The following MYO1G variants were observed in gnomAD, a reference collection of about 807,000 sequenced individuals.
MYO1G encodes myosin IG, also known as unconventional myosin-Ig.
In MYO1G, 65 loss-of-function variants were observed where a neutral mutation model predicts 115.3. The ratio of observed to expected loss-of-function variants is 0.56; its 90% CI spans 0.46 to 0.69. MYO1G has a LOEUF of 0.69. Among genes scored for constraint, MYO1G ranks in the 30% least tolerant of loss-of-function variants. MYO1G has a pLI of 0.00. For synonymous variants in MYO1G, 510 were observed against 552.6 expected (o/e 0.92, Z 1.08); for missense variants, 1,204 against 1,393.5 (o/e 0.86, Z 2.16).
chr7:44,975,040 C>T (rs1388495848), intron 5 of MYO1G, 134 bp downstream of exon 5: 10 of 896,924 alleles, frequency 1.1e-5, no homozygotes, highest in African/African-American at 6.5e-5. Flanking sequence ...GGAGTGAGGA[C>T]GATGGGCTAG....
At position 44,963,499 on chromosome 7, in the gene MYO1G, A is replaced by G. The variant is rs1794785891; in HGVS notation, c.2746-375T>C. On this transcript the variant is annotated intron_variant, in intron 20 of 21. Transcript: ENST00000258787. The surrounding 1 kb of genome is among the most constrained non-coding windows in gnomAD (Gnocchi z 4.1). Reference sequence around the variant, plus strand: ...AACCACGCCGGCTTTGGGCTGTGGCATTACACAGCAAGGCACTCACCGCCC... The same window carrying G: ...AACCACGCCGGCTTTGGGCTGTGGCGTTACACAGCAAGGCACTCACCGCCC... The G allele has an allele frequency of 4.1e-6, 1 of 245,944 alleles. No homozygotes were observed. The highest frequency in any genetic ancestry group is 7.8e-6 in the Non-Finnish European group (1 of 128,806). 15.2% of individuals were successfully genotyped at this position (245,944 alleles called of 1,614,324 possible). A position where few individuals can be genotyped will look rare whatever the true frequency, so the allele number is the denominator to read the frequency against.
At position 44,979,009 on chromosome 7, in the gene MYO1G, G is replaced by A; in HGVS notation, c.-48C>T. 6.3e-7 allele frequency: 1 copy of A among 1,590,902 alleles called. No homozygotes were observed. The highest frequency in any genetic ancestry group is 1.3e-5 in the African/African-American group (1 of 74,618). ...CCTCACCTTCCTGTGCCTGCTGGAA[G>A]GACAGTGAAGGAGAGGGGGAGGGAA... On this transcript the variant is annotated 5_prime_UTR_variant, in exon 1 of 22. Transcript: ENST00000258787.
chr7:44,969,353 A>C lies in MYO1G; in HGVS notation c.1574+60T>G. The C allele has an allele frequency of 6.3e-7, 1 of 1,579,102 alleles. No individual in the cohort carries two copies. The highest frequency in any genetic ancestry group is 1.1e-5 in the South Asian group (1 of 90,426). The stretch of plus-strand genomic sequence containing the variant: ...CACTCCCCTGAAGCGCTCCTGCCCC[A>C]TGACACATGCCATGGTGCCTGTGGG... On this transcript the variant is annotated intron_variant, in intron 12 of 21. Transcript: ENST00000258787. This position sits in a 1 kb window ranked among gnomAD's most constrained non-coding sequence, Gnocchi z 5.0.
chr7:44,974,925 C>T (rs1795020462), intron 5 of MYO1G: 1 of 574,100 alleles, frequency 1.7e-6, no homozygotes, highest in African/African-American at 1.9e-5. Flanking sequence ...AGAGAGCCCT[C>T]ATCTGGAGGT....
chr7:44,967,284 G>T (rs1794864087), intron 14 of MYO1G, among the ~76,000 whole-genome samples: 3 of 152,198 alleles, frequency 2.0e-5, no homozygotes, highest in Admixed American at 2.0e-4. Context: ...AAGAATCCTG[G>T]GTTTTTGCCA....
intron 2 of MYO1G, 74 bp from the exon 3 acceptor site, chr7:44,976,731 C>A (rs1165273106): frequency 1.3e-6 from 2 of 1,592,366 alleles, no homozygotes. Flanking sequence ...CCCACTCACA[C>A]CCCCAAGACT....
Position 44,970,672 on chromosome 7 carries a change from G to C in MYO1G, c.1137C>G (p.Gly379=). Residue 379 remains glycine (G), a synonymous_variant, in exon 9 of 22, where the codon GGC becomes GGG. Transcript: ENST00000258787. ...CCTTGCCATCACGCCGAGGATCCCG[G>C]CCCCGGGGTTCCATGACACTGTTGA... ...NRINSVMEPR[G]RDPRRDGKDT... The C allele has an allele frequency of 6.2e-7, 1 of 1,613,948 alleles. No homozygotes were observed. Among genetic ancestry groups the C allele is most frequent in the Non-Finnish European group, 8.5e-7 (1 of 1,180,030 alleles).
rs1230158758 is a variant in MYO1G, at chr7:44,966,871, G to A, written c.1783-33C>T. ...GACAGAGGGGACTTGGAGAGGGTCT[G>A]CGCCAGCAGCACTGTGCACCCTGCC... On this transcript the variant is annotated intron_variant, in intron 14 of 21. Transcript: ENST00000258787. The surrounding 1 kb of genome is among the most constrained non-coding windows in gnomAD (Gnocchi z 5.0). 6.4e-7 allele frequency: 1 copy of A among 1,573,518 alleles called. No homozygotes were observed.
rs763412382 is a variant in MYO1G, at chr7:44,969,810, G to C, written c.1398C>G (p.Ala466=). 1.2e-5 allele frequency: 19 copies of C among 1,613,146 alleles called. No individual in the cohort carries two copies. The South Asian group carries it at 2.1e-4, about 18-fold the overall frequency. Residue 466 remains alanine (A), a synonymous_variant, in exon 11 of 22, where the codon GCC becomes GCG. Coordinates refer to ENST00000258787, the MANE Select transcript of MYO1G (RefSeq NM_033054.3). The surrounding 1 kb of genome is among the most constrained non-coding windows in gnomAD (Gnocchi z 5.0). ...CAGAGCTGCAGGCCTCGTCCAGCAC[G>C]GCCAGGATGCCACGGTGGGGCCGCT... is the stretch of plus-strand genomic sequence containing the variant. The part of the protein sequence containing the change: ...LVERPHRGIL[A]VLDEACSSAG...
At position 44,975,000 on chromosome 7, in the gene MYO1G, G is replaced by A. The variant is rs1009025463; in HGVS notation, c.618+174C>T. ...AGTCACACCCTCTTGTTTGTGGGGT[G>A]TGGGGTACTGGTTGGGGTGAGTGTG... On this transcript the variant is annotated intron_variant, in intron 5 of 21. Coordinates refer to ENST00000258787, the MANE Select transcript of MYO1G (RefSeq NM_033054.3). 5.9e-5 allele frequency: 42 copies of A among 712,682 alleles called. 1 individual carries two copies. The highest frequency in any genetic ancestry group is 4.9e-4 in the East Asian group (20 of 40,414). The allele number at this position is 712,682 out of a possible 1,614,324, so 44.1% of individuals were successfully genotyped here.
Position 44,966,561 on chromosome 7 carries a change from C to T in MYO1G, c.1949+111G>A, listed in dbSNP as rs2128701370. Reference sequence around the variant, plus strand: ...TCTTGAGGCCAGCAGCGTGCTGGTTCCTGCTTGTATCGATGTTTGCGACGT... The same window carrying T: ...TCTTGAGGCCAGCAGCGTGCTGGTTTCTGCTTGTATCGATGTTTGCGACGT... On this transcript the variant is annotated intron_variant, in intron 15 of 21. Coordinates refer to ENST00000258787, the MANE Select transcript of MYO1G (RefSeq NM_033054.3). The surrounding 1 kb of genome is among the most constrained non-coding windows in gnomAD (Gnocchi z 5.0). 1 of 1,364,288 alleles carries T rather than the reference C, an allele frequency of 7.3e-7. No homozygotes were observed. The highest frequency in any genetic ancestry group is 2.3e-5 in the East Asian group (1 of 43,014). The allele number at this position is 1,364,288 out of a possible 1,614,324, so 84.5% of individuals were successfully genotyped here. A position where few individuals can be genotyped will look rare whatever the true frequency, so the allele number is the denominator to read the frequency against.
At position 44,969,632 on chromosome 7, in the gene MYO1G, G is replaced by A. The variant is rs1366345217; in HGVS notation, c.1503+73C>T. Reference sequence around the variant, plus strand: ...TGGGTCCCCAACCAGGCCCCACGAGGCATGGGCAGCATGGTGCCTGTGGGG... The same window carrying A: ...TGGGTCCCCAACCAGGCCCCACGAGACATGGGCAGCATGGTGCCTGTGGGG... On this transcript the variant is annotated intron_variant, in intron 11 of 21. Coordinates refer to ENST00000258787, the MANE Select transcript of MYO1G (RefSeq NM_033054.3). This position sits in a 1 kb window ranked among gnomAD's most constrained non-coding sequence, Gnocchi z 5.0. 1.3e-6 allele frequency: 2 copies of A among 1,586,112 alleles called. No homozygotes were observed. Among genetic ancestry groups the A allele is most frequent in the Admixed American group, 1.7e-5 (1 of 59,640 alleles).
intron 14 of MYO1G, among the ~76,000 whole-genome samples, chr7:44,967,384 T>C (rs1267650571): frequency 6.6e-6 from 1 of 151,934 alleles, no homozygotes; most frequent in Non-Finnish European, 1.5e-5. Context: ...GAAGCCTGGG[T>C]TCCCCATGAT....
Position 44,967,616 on chromosome 7 carries a change from G to A in MYO1G, c.1771C>T (p.Leu591Phe). The A allele has an allele frequency of 6.2e-7, 1 of 1,613,862 alleles. No individual in the cohort carries two copies. The highest frequency in any genetic ancestry group is 8.5e-7 in the Non-Finnish European group (1 of 1,180,032). ...GGGGTGGAACATACCTTGGAGGCAA[G>A]GTTCTCCACCAGGGCCACCATGGAG... ...KNSMVALVEN[L>F]ASKEPFYVRC... The change falls in exon 14 of 22, where the codon CTT becomes TTT. Residue 591 changes from leucine to phenylalanine, a missense_variant. Coordinates refer to ENST00000258787, the MANE Select transcript of MYO1G (RefSeq NM_033054.3).
At chr7:44,973,558 G>C (rs1457310005) in intron 5 of MYO1G, 1 of 151,432 alleles carries the variant, frequency 6.6e-6, no homozygotes, top group African/African-American at 2.4e-5. Flanking sequence ...TGGGAGTTCA[G>C]AGTCTGAAAA....
Position 44,963,052 on chromosome 7 carries a change from C to G in MYO1G, c.2818G>C (p.Val940Leu). Reference protein sequence around the residue: ...VLHARGQDDLVVCLHRSRPPL... With the variant: ...VLHARGQDDLLVCLHRSRPPL... ...GGCCGGGAGCGGTGCAGGCACACCA[C>G]GAGGTCGTCCTGGCCGCGGGCGTGC... Residue 940 changes from valine to leucine, a missense_variant, in exon 21 of 22, where the codon GTG (valine) becomes CTG (leucine). Physicochemically the swap from Val to Leu is conservative, Grantham distance 32 (BLOSUM62 1). Transcript: ENST00000258787. The surrounding 1 kb of genome is among the most constrained non-coding windows in gnomAD (Gnocchi z 4.1). The G allele has an allele frequency of 6.6e-7, 1 of 1,525,270 alleles. No homozygotes were observed. Among genetic ancestry groups the G allele is most frequent in the Non-Finnish European group, 8.8e-7 (1 of 1,141,436 alleles). The allele number at this position is 1,525,270 out of a possible 1,614,324, so 94.5% of individuals were successfully genotyped here.
rs1255888194 is a variant in MYO1G at position 44,976,943 on chromosome 7, G to A, written c.224C>T (p.Pro75Leu). The A allele has an allele frequency of 1.2e-6, 2 of 1,613,494 alleles. No individual in the cohort carries two copies. Among genetic ancestry groups the A allele is most frequent in the Non-Finnish European group, 8.5e-7 (1 of 1,180,046 alleles). ...GTTGGCCACAGCATAGAGATGGGGT[G>A]GCCGCTCATAGAGCTCACGGCCCTG... The part of the protein sequence containing the change: ...RYQGRELYER[P>L]PHLYAVANAA... Residue 75 changes from proline to leucine, a missense_variant, in exon 2 of 22, where the codon CCA becomes CTA. Coordinates refer to ENST00000258787, the MANE Select transcript of MYO1G (RefSeq NM_033054.3).
Position 44,971,775 on chromosome 7 carries a change from A to G in MYO1G, c.744T>C (p.Asp248=), listed in dbSNP as rs1335380138. Residue 248 remains aspartate, a synonymous_variant, in exon 7 of 22, where the codon GAT becomes GAC. Transcript: ENST00000258787. ...CGGTCACTGCCTGGTGGCTCTGCTC[A>G]TCACTGTCCAAGGCCTAGGGTAGAA... The part of the protein sequence containing the change: ...NMTVHSALDS[D]EQSHQAVTEA... 6.4e-7 allele frequency: 1 copy of G among 1,555,826 alleles called. No individual in the cohort carries two copies. The highest frequency in any genetic ancestry group is 1.9e-5 in the Admixed American group (1 of 51,652).
chr7:44,969,631 G>A lies in MYO1G; in HGVS notation c.1503+74C>T, dbSNP rs903087022. On this transcript the variant is annotated intron_variant, in intron 11 of 21. Coordinates refer to ENST00000258787, the MANE Select transcript of MYO1G (RefSeq NM_033054.3). This position sits in a 1 kb window ranked among gnomAD's most constrained non-coding sequence, Gnocchi z 5.0. ...CTGGGTCCCCAACCAGGCCCCACGA[G>A]GCATGGGCAGCATGGTGCCTGTGGG... The A allele has an allele frequency of 3.8e-6, 6 of 1,588,662 alleles. No homozygotes were observed. The highest frequency in any genetic ancestry group is 2.1e-4 in the Middle Eastern group (1 of 4,854).
Sources: allele counts gnomAD v4.1 joint callset (sites outside exome capture counted in the v4.1 genomes callset), GRCh38; gene constraint gnomAD v4.1.1; non-coding constraint Gnocchi (gnomAD v3.1); transcripts MANE v1.5; gene names NCBI Gene and HGNC (gene_info 2026-07-23, HGNC 2026-07-21).